The following NCAM2 variants were observed in gnomAD, a reference collection of about 807,000 sequenced individuals.
The protein encoded by NCAM2 is neural cell adhesion molecule 2, also known as N-CAM-2.
NCAM2 carries 30 observed loss-of-function variants against 98.1 expected under a neutral mutation model. That is an observed-to-expected ratio of 0.31 (90% confidence interval 0.23 to 0.41). The LOEUF (loss-of-function observed/expected upper bound fraction) is 0.41. Among genes scored for constraint, NCAM2 ranks in the 10% least tolerant of loss-of-function variants. The pLI is 1.00. For synonymous variants in NCAM2, 368 were observed against 342.4 expected (o/e 1.07, Z -0.83); for missense variants, 867 against 1,005.8 (o/e 0.86, Z 1.87).
At chr21:21,008,992 G>A (rs1002792515) in intron 1 of NCAM2, among the ~76,000 whole-genome samples, 1 of 152,038 alleles carries the variant, frequency 6.6e-6, no homozygotes, top group Non-Finnish European at 1.5e-5. Flanking sequence ...TCAAACTTAC[G>A]GTACTTTACT....
intron 1 of NCAM2, among the ~76,000 whole-genome samples, chr21:21,210,937 A>G (rs922027378): frequency 1.3e-5 from 2 of 148,662 alleles, no homozygotes; most frequent in Non-Finnish European, 3.0e-5. Context: ...CATATAGGAG[A>G]AGTACAGGAG....
At chr21:21,200,751 A>ATTTTTTTTT (rs58162973) in intron 1 of NCAM2, among the ~76,000 whole-genome samples, 4 of 108,676 alleles carry the variant, frequency 3.7e-5, no homozygotes, top group East Asian at 2.6e-4. Flanking sequence ...GGGGCCCTTC[A>ATTTTTTTTT]TTTTTTTTTT....
chr21:21,483,789 C>T (rs1481726916), intron 15 of NCAM2, among the ~76,000 whole-genome samples: 1 of 151,988 alleles, frequency 6.6e-6, no homozygotes, highest in Non-Finnish European at 1.5e-5. Context: ...TTTTCATAAT[C>T]TTTGGTTCCT....
At chr21:21,531,305 A>C (rs538302198) in intron 16 of NCAM2, among the ~76,000 whole-genome samples, 2 of 152,312 alleles carry the variant, frequency 1.3e-5, no homozygotes, top group African/African-American at 4.8e-5. Flanking sequence ...ATTTTTAAAA[A>C]ATTTCTTAAA....
intron 1 of NCAM2, among the ~76,000 whole-genome samples, chr21:21,225,589 C>T (rs1309043081): frequency 6.6e-6 from 1 of 151,842 alleles, no homozygotes; most frequent in Non-Finnish European, 1.5e-5. Context: ...AATATGTCTG[C>T]ATATTTTATC....
chr21:21,037,935 A>T (rs919187340), intron 1 of NCAM2, among the ~76,000 whole-genome samples: 1 of 152,194 alleles, frequency 6.6e-6, no homozygotes, highest in Non-Finnish European at 1.5e-5. Flanking sequence ...TTTTAAGGAT[A>T]TATTAATGTA....
intron 1 of NCAM2, among the ~76,000 whole-genome samples, chr21:21,098,062 C>G (rs1032994258): frequency 4.3e-5 from 3 of 70,518 alleles, no homozygotes; most frequent in Non-Finnish European, 7.4e-5. Context: ...ATAGGCACAT[C>G]TGAGAATTTA....
chr21:21,322,026 A>G (rs981846581), intron 5 of NCAM2, among the ~76,000 whole-genome samples: 2 of 152,228 alleles, frequency 1.3e-5, no homozygotes, highest in East Asian at 1.9e-4. Context: ...TCACAGTGCT[A>G]TTCACAATAG....
chr21:21,534,944 G>T (rs11908719), intron 17 of NCAM2, among the ~76,000 whole-genome samples: 7,810 of 151,986 alleles, frequency 0.051, 679 homozygotes, highest in African/African-American at 0.18. Flanking sequence ...TTCAACAATA[G>T]TCTGTCTTTT....
At chr21:21,270,353 C>A (rs2072445567) in intron 1 of NCAM2, among the ~76,000 whole-genome samples, 1 of 152,174 alleles carries the variant, frequency 6.6e-6, no homozygotes, top group Admixed American at 6.5e-5. Flanking sequence ...GATTGGTTGA[C>A]TCATGACTCA....
intron 2 of NCAM2, among the ~76,000 whole-genome samples, chr21:21,283,187 G>C (rs569709872): frequency 6.6e-6 from 1 of 151,990 alleles, no homozygotes; most frequent in African/African-American, 2.4e-5. Flanking sequence ...TTTTACTCAA[G>C]CATGTCTAAT....
At chr21:21,452,999 A>AC (rs1325754087) in intron 12 of NCAM2, among the ~76,000 whole-genome samples, 18 of 92,136 alleles carry the variant, frequency 2.0e-4, no homozygotes, top group South Asian at 1.5e-3. Context: ...TATATTATAT[A>AC]ATATATAATA....
chr21:21,223,032 A>G (rs1194802735), intron 1 of NCAM2, among the ~76,000 whole-genome samples: 2 of 152,074 alleles, frequency 1.3e-5, no homozygotes, highest in South Asian at 2.1e-4. Flanking sequence ...AAAAAAATTT[A>G]CTTCTTACAT....
intron 1 of NCAM2, among the ~76,000 whole-genome samples, chr21:21,208,526 G>GT (rs2069525605): frequency 6.6e-6 from 1 of 152,050 alleles, no homozygotes; most frequent in Non-Finnish European, 1.5e-5. Context: ...GTAAAAGACA[G>GT]CATCTTTTTA....
intron 1 of NCAM2, among the ~76,000 whole-genome samples, chr21:21,137,572 A>C (rs1462170129): frequency 6.6e-6 from 1 of 152,192 alleles, no homozygotes; most frequent in African/African-American, 2.4e-5. Flanking sequence ...TGAGGTGACC[A>C]ACATGGAGAA....
chr21:21,435,433 G>A (rs946745478), intron 12 of NCAM2, among the ~76,000 whole-genome samples: 23 of 152,070 alleles, frequency 1.5e-4, no homozygotes, highest in African/African-American at 4.8e-4. Flanking sequence ...GCATCACTGC[G>A]CTTTCTTCTG....
intron 5 of NCAM2, among the ~76,000 whole-genome samples, chr21:21,307,305 T>A (rs563885888): frequency 6.6e-6 from 1 of 152,174 alleles, no homozygotes; most frequent in Non-Finnish European, 1.5e-5. Flanking sequence ...TTTTCAGTCT[T>A]TTTTCAAATG....
intron 5 of NCAM2, among the ~76,000 whole-genome samples, chr21:21,313,930 T>A (rs1422183601): frequency 6.6e-6 from 1 of 152,106 alleles, no homozygotes; most frequent in African/African-American, 2.4e-5. Context: ...TCAATTTGAA[T>A]GTAGAAAGTA....
intron 1 of NCAM2, among the ~76,000 whole-genome samples, chr21:21,220,601 A>C (rs949461027): frequency 6.6e-6 from 1 of 152,070 alleles, no homozygotes; most frequent in African/African-American, 2.4e-5. Context: ...CAGCTCCTTC[A>C]ATGAACTATT....
Sources: gnomAD v4.1 joint callset for allele counts (sites outside exome capture counted in the v4.1 genomes callset) on GRCh38, gnomAD v4.1.1 for gene constraint, MANE v1.5 for transcripts, NCBI Gene and HGNC (gene_info 2026-07-23, HGNC 2026-07-21) for gene names.